Variants in DDX60 observed in about 807,000 individuals in gnomAD.
DDX60 encodes the protein DExD/H-box helicase 60, also known as probable ATP-dependent RNA helicase DDX60.
DDX60 carries 165 observed loss-of-function variants against 212.8 expected under a neutral mutation model. That is an observed-to-expected ratio of 0.78 (90% CI 0.68 to 0.88). DDX60 has a LOEUF of 0.88. DDX60 is among the 40% of genes least tolerant of loss of function. DDX60 has a pLI of 0.00. For missense variants in DDX60, 1,905 were observed against 2,003.9 expected (o/e 0.95, Z 0.94); for synonymous variants, 703 against 685.3 (o/e 1.03, Z -0.40).
At chr4:168,241,745 T>C (rs1733847507) in intron 30 of DDX60, among the ~76,000 whole-genome samples, 1 of 152,064 alleles carries the variant, frequency 6.6e-6, no homozygotes, top group Non-Finnish European at 1.5e-5. Flanking sequence ...AGGCTGACAA[T>C]GGGATAGAAA....
At chr4:168,249,035 C>T (rs1194399355) in intron 28 of DDX60, among the ~76,000 whole-genome samples, 3 of 152,194 alleles carry the variant, frequency 2.0e-5, no homozygotes, top group East Asian at 3.9e-4. Flanking sequence ...GCTGGGATTA[C>T]AGGCGTGAGC....
chr4:168,265,873 AAGGGAAG>A (rs1394739009), intron 22 of DDX60, among the ~76,000 whole-genome samples: 22 of 147,810 alleles, frequency 1.5e-4, no homozygotes, highest in African/African-American at 5.5e-4. Flanking sequence ...AAGGGAAGGG[AAGGGAAG>A]GGAAGGGAAG....
At chr4:168,308,662 T>G (rs948651508) in intron 3 of DDX60, among the ~76,000 whole-genome samples, 1 of 148,644 alleles carries the variant, frequency 6.7e-6, no homozygotes, top group Middle Eastern at 3.6e-3. Flanking sequence ...TTCTATATAC[T>G]GTTATATATA....
chr4:168,254,631 A>G (rs142097282), intron 26 of DDX60, among the ~76,000 whole-genome samples: 2 of 152,334 alleles, frequency 1.3e-5, no homozygotes, highest in East Asian at 1.9e-4. Context: ...TTTAGGAAAA[A>G]GAAATACATA....
Position 168,288,174 on chromosome 4 carries a change from C to A in DDX60, c.1183G>T (p.Gly395Cys), listed in dbSNP as rs540981064. The A allele has an allele frequency of 2.0e-5, 30 of 1,473,014 alleles. No individual in the cohort carries two copies. Among genetic ancestry groups the A allele is most frequent in the African/African-American group, 2.9e-5 (2 of 69,430 alleles). The allele number at this position is 1,473,014 out of a possible 1,614,324, so 91.2% of individuals were successfully genotyped here. A position where few individuals can be genotyped will look rare whatever the true frequency, so the allele number is the denominator to read the frequency against. ...TGATTATAATATACTGAGATGGTAC[C>A]TTTTACATTTTCATTTTCATAGTAA... ...AFYYENENVK[G>C]LHLNLGDTIM... Residue 395 changes from glycine to cysteine, a missense_variant and splice_region_variant, in exon 9 of 38, where the codon GGC (glycine) becomes TGC (cysteine). Gly to Cys is a radical substitution (Grantham distance 159, BLOSUM62 -3). Coordinates refer to ENST00000393743, the MANE Select transcript of DDX60 (RefSeq NM_017631.6).
chr4:168,233,629 T>A (rs1302033747), intron 33 of DDX60, among the ~76,000 whole-genome samples: 3 of 152,034 alleles, frequency 2.0e-5, no homozygotes, highest in Non-Finnish European at 4.4e-5. Flanking sequence ...AAAAATCAAA[T>A]CTTCCCACTC....
At position 168,293,836 on chromosome 4, in the gene DDX60, A is replaced by C; in HGVS notation, c.833T>G (p.Phe278Cys). Residue 278 changes from phenylalanine to cysteine, a missense_variant, in exon 7 of 38, where the codon TTT becomes TGT. Physicochemically the swap from Phe to Cys is radical, Grantham distance 205. Transcript: ENST00000393743. ...CSLSLRMYHR[F>C]LGNREPSSGQ... ...AGAGGAGGGCTCTCTGTTTCCTAAA[A>C]AGCGATGGTACATTCTCAAAGATAA... The C allele has an allele frequency of 1.2e-6, 2 of 1,613,950 alleles. No homozygotes were observed. Among genetic ancestry groups the C allele is most frequent in the Non-Finnish European group, 1.7e-6 (2 of 1,179,926 alleles).
intron 35 of DDX60, 40 bp from the exon 36 acceptor site, chr4:168,221,921 T>C (rs758768897): frequency 1.9e-6 from 3 of 1,568,638 alleles, no homozygotes; most frequent in Non-Finnish European, 2.6e-6. Flanking sequence ...TATTTATGTA[T>C]AAAGAAAGTT....
At chr4:168,217,360 TG>T (rs1165788207) in intron 37 of DDX60, among the ~76,000 whole-genome samples, 1 of 152,164 alleles carries the variant, frequency 6.6e-6, no homozygotes, top group African/African-American at 2.4e-5. Flanking sequence ...ATATCTCTTG[TG>T]GAGTCATTTT....
At chr4:168,246,649 C>T in intron 29 of DDX60, 31 bp from the exon 30 acceptor site, 1 of 1,610,094 alleles carries the variant, frequency 6.2e-7, no homozygotes, top group Non-Finnish European at 8.5e-7. Flanking sequence ...CAATGTAAAA[C>T]TTCCCTAAAT....
chr4:168,231,110 T>C (rs1733436365), intron 33 of DDX60, among the ~76,000 whole-genome samples: 2 of 151,856 alleles, frequency 1.3e-5, no homozygotes, highest in Admixed American at 6.6e-5. Context: ...TTAGAGGAGA[T>C]GGGTAAATTC....
chr4:168,230,082 A>T (rs888194316), intron 33 of DDX60, among the ~76,000 whole-genome samples: 1 of 152,120 alleles, frequency 6.6e-6, no homozygotes, highest in African/African-American at 2.4e-5. Context: ...TTTTTATATC[A>T]GACAAAACAG....
chr4:168,270,673 T>A (rs928274794), intron 19 of DDX60, among the ~76,000 whole-genome samples: 2 of 152,130 alleles, frequency 1.3e-5, no homozygotes, highest in African/African-American at 2.4e-5. Flanking sequence ...TAACCAAAAA[T>A]AAATATAATA....
At chr4:168,254,115 C>T (rs1044115427) in intron 26 of DDX60, among the ~76,000 whole-genome samples, 3 of 152,076 alleles carry the variant, frequency 2.0e-5, no homozygotes, top group Admixed American at 6.5e-5. Context: ...GGTAATAAAC[C>T]GTCAAATAAA....
rs1205675078 is a variant in DDX60 at position 168,288,174 on chromosome 4, C to CT, written c.1182dup (p.Gly395ArgfsTer15). On this transcript the variant is annotated frameshift_variant and splice_region_variant, in exon 9 of 38. Transcript: ENST00000393743. LOFTEE classifies it high-confidence loss of function. ...TGATTATAATATACTGAGATGGTAC[C>CT]TTTTACATTTTCATTTTCATAGTAA... The CT allele has an allele frequency of 6.8e-7, 1 of 1,473,132 alleles. No individual in the cohort carries two copies. The highest frequency in any genetic ancestry group is 9.2e-7 in the Non-Finnish European group (1 of 1,083,100). The allele number at this position is 1,473,132 out of a possible 1,614,324, so 91.3% of individuals were successfully genotyped here. A position where few individuals can be genotyped will look rare whatever the true frequency, so the allele number is the denominator to read the frequency against.
chr4:168,285,586 T>C (rs1579050272), intron 10 of DDX60, 88 bp from the exon 11 acceptor site: 1 of 753,724 alleles, frequency 1.3e-6, no homozygotes, highest in Non-Finnish European at 2.1e-6. Flanking sequence ...AAACTTCATA[T>C]TAAAAACATT....
intron 30 of DDX60, among the ~76,000 whole-genome samples, chr4:168,243,789 T>C (rs777840244): frequency 4.1e-4 from 62 of 152,154 alleles, no homozygotes; most frequent in Admixed American, 7.9e-4. Context: ...CATTCCATTA[T>C]AAAGATATAT....
chr4:168,268,996 A>C, intron 19 of DDX60, 27 bp from the exon 20 acceptor site: 12 of 1,309,042 alleles, frequency 9.2e-6, no homozygotes, highest in Non-Finnish European at 1.3e-5. Flanking sequence ...AAAAAATCTC[A>C]ACTGAAAAGT....
At position 168,273,355 on chromosome 4, in the gene DDX60, G is replaced by C; in HGVS notation, c.2498C>G (p.Thr833Arg). The C allele has an allele frequency of 6.2e-7, 1 of 1,613,772 alleles. No individual in the cohort carries two copies. The highest frequency in any genetic ancestry group is 8.5e-7 in the Non-Finnish European group (1 of 1,179,822). ...QVAATVQNRF[T>R]KNLPSGEVLC... ...AACTTCACCACTTGGCAGATTTTTCGTAAAACGATTCTGAACAGTTGCTGC... is the reference window on the plus strand; with the variant it reads ...AACTTCACCACTTGGCAGATTTTTCCTAAAACGATTCTGAACAGTTGCTGC... The change falls in exon 18 of 38, where the codon ACG becomes AGG. Residue 833 changes from threonine (T) to arginine (R), a missense_variant. Physicochemically the swap from Thr to Arg is moderately conservative, Grantham distance 71 (BLOSUM62 -1). Transcript: ENST00000393743.
Sources: allele counts gnomAD v4.1 joint callset (sites outside exome capture counted in the v4.1 genomes callset), GRCh38; gene constraint gnomAD v4.1.1; transcripts MANE v1.5; gene names NCBI Gene and HGNC (gene_info 2026-07-23, HGNC 2026-07-21).